Variants in RFX3 observed in about 807,000 individuals in gnomAD.
RFX3 encodes the protein transcription factor RFX3.
Under a neutral mutation model 98.6 loss-of-function variants are expected in RFX3, and 14 were observed. That is an observed-to-expected ratio of 0.14 (90% CI 0.09 to 0.22). The LOEUF (loss-of-function observed/expected upper bound fraction) is 0.22, where lower values mean the gene tolerates loss of function less well. Ranked by LOEUF, RFX3 falls within the 10% of genes least tolerant of loss-of-function variation. The probability of loss-of-function intolerance (pLI) is 1.00; values close to 1 mark genes in which losing one functional copy is unlikely to be tolerated. For synonymous variants in RFX3, 383 were observed against 328.4 expected, an observed-to-expected ratio of 1.17 and a Z score of -1.80; for missense variants, 639 against 926.9, an observed-to-expected ratio of 0.69 and a Z score of 4.03.
intron 2 of RFX3, among the ~76,000 whole-genome samples, chr9:3,375,018 A>G (rs964930407): frequency 1.2e-4 from 18 of 152,238 alleles, no homozygotes; most frequent in Admixed American, 6.5e-5. Context: ...TCCCATAAAT[A>G]TTATCCATAC....
intron 1 of RFX3, among the ~76,000 whole-genome samples, chr9:3,457,139 C>CCAAAAAAAA (rs1847253203): frequency 4.4e-5 from 1 of 22,806 alleles, no homozygotes; most frequent in Non-Finnish European, 7.9e-5. Flanking sequence ...GACTCCATCT[C>CCAAAAAAAA]AAAAAAAAAA....
chr9:3,458,088 G>A (rs1847355072), intron 1 of RFX3, among the ~76,000 whole-genome samples: 1 of 152,112 alleles, frequency 6.6e-6, no homozygotes, highest in African/African-American at 2.4e-5. Context: ...CAAAGCCATG[G>A]CAATATAAAA....
intron 1 of RFX3, among the ~76,000 whole-genome samples, chr9:3,516,566 G>A (rs986799428): frequency 6.6e-6 from 1 of 152,096 alleles, no homozygotes; most frequent in African/African-American, 2.4e-5. Flanking sequence ...AAAGGCTCTC[G>A]GAGCTTGTCT....
rs147756517 is a variant in RFX3 at position 3,355,562 on chromosome 9, T to C, written c.118-8798A>G. ...AGAAGACATGAAGCAAAAACTGATA[T>C]AACGGAAAGAAGAAAATTTAAAAAT... is the stretch of plus-strand genomic sequence containing the variant. On this transcript the variant is annotated intron_variant, in intron 2 of 16. Coordinates refer to ENST00000617270, the MANE Select transcript of RFX3 (RefSeq NM_001282116.2). Among the ~76,000 whole-genome samples the C allele has an allele frequency of 8.2e-4, 125 of 151,962 alleles. 1 individual carries two copies. The East Asian group carries it at 0.02, about 24-fold the overall frequency.
intron 1 of RFX3, among the ~76,000 whole-genome samples, chr9:3,502,689 T>C (rs1451326860): frequency 1.3e-5 from 2 of 152,182 alleles, no homozygotes; most frequent in East Asian, 1.9e-4. Context: ...GAAACTTTCA[T>C]TATTTTCACG....
In RFX3 at chr9:3,361,559, C is replaced by A. The variant is rs916313665; in HGVS notation, c.118-14795G>T. Among the ~76,000 whole-genome samples, 4 of 147,850 alleles carry A rather than the reference C, an allele frequency of 2.7e-5. No homozygotes were observed. In the Admixed American group the frequency reaches 2.8e-4, roughly 10 times the overall value. ...CTCATTCTAACACTTTGGGAGGCTA[C>A]GGTATTCATTCCAACACTTTGGGAG... On this transcript the variant is annotated intron_variant, in intron 2 of 16. Coordinates refer to ENST00000617270, the MANE Select transcript of RFX3 (RefSeq NM_001282116.2).
At chr9:3,250,946 T>C (rs1158841237) in intron 14 of RFX3, among the ~76,000 whole-genome samples, 4 of 152,156 alleles carry the variant, frequency 2.6e-5, no homozygotes, top group Non-Finnish European at 5.9e-5. Context: ...ATTAAACTAG[T>C]ATTAGTTACT....
chr9:3,317,663 CA>C (rs1460730064), intron 4 of RFX3, among the ~76,000 whole-genome samples: 1 of 152,212 alleles, frequency 6.6e-6, no homozygotes, highest in African/African-American at 2.4e-5. Flanking sequence ...GAACTTAAAA[CA>C]AATTTACAAG....
At chr9:3,509,885 T>G (rs550518985) in intron 1 of RFX3, among the ~76,000 whole-genome samples, 1 of 151,992 alleles carries the variant, frequency 6.6e-6, no homozygotes, top group Non-Finnish European at 1.5e-5. Context: ...TGATGTTCTA[T>G]GTCATTGTAC....
At chr9:3,398,716 G>A (rs938924354) in intron 1 of RFX3, among the ~76,000 whole-genome samples, 2 of 151,914 alleles carry the variant, frequency 1.3e-5, no homozygotes, top group African/African-American at 4.8e-5. Context: ...AGTCTAACTT[G>A]TTTGCACATA....
In RFX3 at chr9:3,257,152, T is replaced by A; in HGVS notation, c.1653A>T (p.Arg551Ser). 1 of 1,613,946 alleles carries A rather than the reference T, an allele frequency of 6.2e-7. No homozygotes were observed. Reference sequence around the variant, plus strand: ...GAGTCATCTTGAAGTCTGTTTCTAGTCTCTGAACCATGTTGTCATCACACT... The same window carrying A: ...GAGTCATCTTGAAGTCTGTTTCTAGACTCTGAACCATGTTGTCATCACACT... ...VCQCDDNMVQ[R>S]LETDFKMTLQ... Residue 551 changes from arginine (R) to serine (S), a missense_variant, in exon 14 of 17, where the codon AGA becomes AGT. Arg to Ser is a moderately radical substitution (Grantham distance 110). Around this residue, in one of 9 missense-constraint regions of RFX3, gnomAD observed 138 missense variants for 308.9 expected, o/e 0.45. Transcript: ENST00000617270.
At chr9:3,452,639 T>C (rs1199514691) in intron 1 of RFX3, among the ~76,000 whole-genome samples, 1 of 152,158 alleles carries the variant, frequency 6.6e-6, no homozygotes, top group African/African-American at 2.4e-5. Flanking sequence ...TTAGATACAA[T>C]GGTTGCTTCT....
chr9:3,517,471 C>G (rs901440008), intron 1 of RFX3, among the ~76,000 whole-genome samples: 1 of 152,136 alleles, frequency 6.6e-6, no homozygotes, highest in African/African-American at 2.4e-5. Flanking sequence ...ATTAGTTTTC[C>G]TAAGCTCAAC....
intron 2 of RFX3, among the ~76,000 whole-genome samples, chr9:3,395,236 G>A (rs1368457912): frequency 7.2e-5 from 11 of 152,230 alleles, no homozygotes; most frequent in Admixed American, 7.2e-4. Flanking sequence ...AAGACAGGCT[G>A]TTTGAGAATA....
intron 14 of RFX3, among the ~76,000 whole-genome samples, chr9:3,256,238 G>A (rs1024752458): frequency 1.3e-5 from 2 of 151,996 alleles, no homozygotes; most frequent in African/African-American, 2.4e-5. Context: ...CCAAAGTGCT[G>A]GGATTACAGG....
At chr9:3,333,173 A>G (rs1832788525) in intron 3 of RFX3, among the ~76,000 whole-genome samples, 1 of 152,238 alleles carries the variant, frequency 6.6e-6, no homozygotes, top group Non-Finnish European at 1.5e-5. Flanking sequence ...AGTTTCATAA[A>G]TTTCTGTATC....
chr9:3,349,001 A>G (rs906850900), intron 2 of RFX3, among the ~76,000 whole-genome samples: 12 of 152,164 alleles, frequency 7.9e-5, no homozygotes, highest in Non-Finnish European at 1.6e-4. Flanking sequence ...ATTGGGACCC[A>G]TTAATGCTTG....
chr9:3,311,855 G>C (rs1323749133), intron 4 of RFX3, among the ~76,000 whole-genome samples: 1 of 152,180 alleles, frequency 6.6e-6, no homozygotes, highest in East Asian at 1.9e-4. Flanking sequence ...CTGCAAGCCA[G>C]CCTGGGCAAC....
At chr9:3,260,654 C>T (rs1237014889) in intron 13 of RFX3, among the ~76,000 whole-genome samples, 1 of 151,438 alleles carries the variant, frequency 6.6e-6, no homozygotes, top group Non-Finnish European at 1.5e-5. Flanking sequence ...ATAAATATTA[C>T]AGTATAGATT....
Sources: allele counts gnomAD v4.1 joint callset (sites outside exome capture counted in the v4.1 genomes callset), GRCh38; gene constraint gnomAD v4.1.1; regional missense constraint gnomAD v4.1.1; transcripts MANE v1.5; gene names NCBI Gene and HGNC (gene_info 2026-07-23, HGNC 2026-07-21).